The following ASTN2 variants were observed in gnomAD, a reference collection of about 807,000 sequenced individuals.
The protein encoded by ASTN2 is astrotactin 2.
A neutral mutation model predicts 139.8 loss-of-function variants in ASTN2; 54 were observed. The ratio of observed to expected loss-of-function variants is 0.39; its 90% CI spans 0.31 to 0.48. The LOEUF (loss-of-function observed/expected upper bound fraction) is 0.48. Ranked by LOEUF, ASTN2 falls within the 20% of genes least tolerant of loss-of-function variation. The pLI is 0.95. For missense variants in ASTN2, 1,565 were observed against 1,725.1 expected (o/e 0.91, Z 1.64); for synonymous variants, 756 against 719.5 (o/e 1.05, Z -0.81).
At chr9:117,359,120 T>G (rs183365266) in intron 1 of ASTN2, among the ~76,000 whole-genome samples, 1 of 152,140 alleles carries the variant, frequency 6.6e-6, no homozygotes. Context: ...GTGAAAAGGA[T>G]CAAACTTGTA....
chr9:117,147,433 C>T (rs1830222256), intron 3 of ASTN2, among the ~76,000 whole-genome samples: 1 of 94,658 alleles, frequency 1.1e-5, no homozygotes, highest in African/African-American at 3.6e-5. Flanking sequence ...GAGACTCTGA[C>T]TCAAAACACA....
intron 1 of ASTN2, among the ~76,000 whole-genome samples, chr9:117,341,244 C>A (rs1387660346): frequency 1.3e-5 from 2 of 152,048 alleles, no homozygotes; most frequent in African/African-American, 4.8e-5. Context: ...AGTAAATGTT[C>A]ATGAATCAAA....
chr9:116,549,427 C>T (rs1852245006), intron 19 of ASTN2, among the ~76,000 whole-genome samples: 1 of 152,176 alleles, frequency 6.6e-6, no homozygotes, highest in Non-Finnish European at 1.5e-5. Flanking sequence ...CTGTACAGTT[C>T]GTATTTGGCA....
intron 1 of ASTN2, among the ~76,000 whole-genome samples, chr9:117,383,159 T>C (rs762617838): frequency 3.0e-4 from 45 of 152,232 alleles, no homozygotes; most frequent in Admixed American, 2.7e-3. Flanking sequence ...CAAAATATCA[T>C]TCTTCTTTTG....
intron 17 of ASTN2, among the ~76,000 whole-genome samples, chr9:116,626,825 T>C (rs1049452724): frequency 2.0e-5 from 3 of 152,102 alleles, no homozygotes; most frequent in African/African-American, 4.8e-5. Flanking sequence ...ACAGGAAGGA[T>C]TGAAGAGGTT....
At chr9:116,505,458 G>T (rs1234840302) in intron 19 of ASTN2, among the ~76,000 whole-genome samples, 1 of 152,010 alleles carries the variant, frequency 6.6e-6, no homozygotes. Context: ...ACCAAAACCA[G>T]AAGTCTGCCA....
At chr9:116,652,255 A>T (rs1212576545) in intron 16 of ASTN2, among the ~76,000 whole-genome samples, 2 of 152,096 alleles carry the variant, frequency 1.3e-5, no homozygotes, top group Admixed American at 6.5e-5. Flanking sequence ...GAACCCAGGA[A>T]GCAGAGGTTG....
intron 3 of ASTN2, among the ~76,000 whole-genome samples, chr9:117,179,042 C>T (rs957951852): frequency 3.9e-5 from 6 of 152,254 alleles, no homozygotes; most frequent in African/African-American, 9.6e-5. Flanking sequence ...AGATAACGTA[C>T]GTGCACACAA....
chr9:116,813,350 C>T (rs909194454), intron 12 of ASTN2, among the ~76,000 whole-genome samples: 6 of 152,144 alleles, frequency 3.9e-5, no homozygotes, highest in African/African-American at 1.4e-4. Context: ...TTTATTTAAT[C>T]CTCATAGCAA....
At chr9:117,198,098 T>G (rs765202135) in intron 3 of ASTN2, among the ~76,000 whole-genome samples, 1 of 152,114 alleles carries the variant, frequency 6.6e-6, no homozygotes, top group Non-Finnish European at 1.5e-5. Flanking sequence ...ATACACAGAA[T>G]GTGCAGGTTT....
chr9:117,028,721 C>T (rs1019054602), intron 6 of ASTN2, among the ~76,000 whole-genome samples: 2 of 152,206 alleles, frequency 1.3e-5, no homozygotes, highest in Non-Finnish European at 2.9e-5. Flanking sequence ...CTCCCTACCT[C>T]CCTGTTCAGG....
intron 6 of ASTN2, among the ~76,000 whole-genome samples, chr9:117,032,993 T>A (rs758182589): frequency 6.6e-6 from 1 of 152,156 alleles, no homozygotes; most frequent in African/African-American, 2.4e-5. Flanking sequence ...AACAATCATA[T>A]CAATATATAA....
intron 13 of ASTN2, among the ~76,000 whole-genome samples, chr9:116,775,379 G>A (rs1461616484): frequency 2.6e-5 from 4 of 151,312 alleles, no homozygotes; most frequent in Non-Finnish European, 1.5e-5. Context: ...TTCTCACACA[G>A]TGACTTTATC....
At chr9:116,502,902 A>T (rs1849938376) in intron 19 of ASTN2, among the ~76,000 whole-genome samples, 1 of 141,274 alleles carries the variant, frequency 7.1e-6, no homozygotes, top group South Asian at 2.6e-4. Flanking sequence ...AAGGGAAGGA[A>T]GGAGGAAAGG....
At chr9:116,549,475 C>T (rs991749930) in intron 19 of ASTN2, among the ~76,000 whole-genome samples, 9 of 152,170 alleles carry the variant, frequency 5.9e-5, no homozygotes, top group African/African-American at 1.7e-4. Flanking sequence ...CCAGCTGGGG[C>T]CCCAGGCCCA....
At chr9:116,784,110 T>A (rs1398100119) in intron 13 of ASTN2, among the ~76,000 whole-genome samples, 1 of 152,180 alleles carries the variant, frequency 6.6e-6, no homozygotes, top group East Asian at 1.9e-4. Context: ...AAAATGAAGC[T>A]TGAATGGATA....
intron 5 of ASTN2, among the ~76,000 whole-genome samples, chr9:117,087,001 T>C (rs563808666): frequency 6.6e-6 from 1 of 152,248 alleles, no homozygotes; most frequent in South Asian, 2.1e-4. Context: ...GTGTTTACTC[T>C]GTTCTGAGTA....
At chr9:116,725,261 G>A (rs1828586933) in intron 16 of ASTN2, among the ~76,000 whole-genome samples, 1 of 152,050 alleles carries the variant, frequency 6.6e-6, no homozygotes. Context: ...GAAATCTGCT[G>A]GCCCTTCCTG....
intron 16 of ASTN2, among the ~76,000 whole-genome samples, chr9:116,684,101 G>C (rs909451178): frequency 6.6e-6 from 1 of 152,160 alleles, no homozygotes; most frequent in Non-Finnish European, 1.5e-5. Context: ...CTTGAGAAGA[G>C]AGGAATTTAC....
Sources: gnomAD v4.1 joint callset for allele counts (sites outside exome capture counted in the v4.1 genomes callset) on GRCh38, gnomAD v4.1.1 for gene constraint, MANE v1.5 for transcripts, NCBI Gene and HGNC (gene_info 2026-07-23, HGNC 2026-07-21) for gene names.